Variants in CCDC7 observed in about 807,000 individuals in gnomAD.
CCDC7 encodes the protein coiled-coil domain-containing protein 7.
CCDC7 carries 183 observed loss-of-function variants against 196.9 expected under a neutral mutation model. The observed-to-expected ratio is 0.93, with a 90% CI of 0.82 to 1.05. The LOEUF is 1.05. Among genes scored for constraint, CCDC7 ranks in the 50% least tolerant of loss-of-function variants. CCDC7 has a pLI of 0.00. For missense variants in CCDC7, 1,540 were observed against 1,482.2 expected (o/e 1.04, Z -0.64); for synonymous variants, 525 against 484.6 (o/e 1.08, Z -1.10).
intron 11 of CCDC7, among the ~76,000 whole-genome samples, chr10:32,539,262 C>T (rs1564588686): frequency 6.6e-6 from 1 of 151,876 alleles, no homozygotes; most frequent in Admixed American, 6.6e-5. Flanking sequence ...AGGAATTTAT[C>T]CATTTCTAGT....
At chr10:32,635,849 T>C (rs2065545139) in intron 20 of CCDC7, among the ~76,000 whole-genome samples, 2 of 152,194 alleles carry the variant, frequency 1.3e-5, no homozygotes, top group Admixed American at 1.3e-4. Context: ...GTCTTTTAAT[T>C]AGCTCTCCTA....
At position 32,800,941 on chromosome 10, in the gene CCDC7, C is replaced by G. The variant is rs143068235; in HGVS notation, c.3014-4074C>G. Among the ~76,000 whole-genome samples the G allele has an allele frequency of 5.9e-3, 904 of 152,300 alleles. 9 individuals are homozygous for G. Among genetic ancestry groups the G allele is most frequent in the African/African-American group, 0.021 (862 of 41,556 alleles). On this transcript the variant is annotated intron_variant, in intron 29 of 41. Transcript: ENST00000639629. ...AACACCGTGATTAATTAGCCAATGC[C>G]AGAGCTCTACATGAGTCAGACTATT...
intron 24 of CCDC7, among the ~76,000 whole-genome samples, chr10:32,699,699 A>C (rs1216916346): frequency 5.4e-5 from 8 of 149,316 alleles, no homozygotes; most frequent in Non-Finnish European, 1.2e-4. Flanking sequence ...ATTTCTATAC[A>C]TCCTCTCCAG....
chr10:32,635,052 T>G lies in CCDC7; in HGVS notation c.1913-5T>G, dbSNP rs1374384801. The G allele has an allele frequency of 2.5e-6, 1 of 398,720 alleles. No homozygotes were observed. Among genetic ancestry groups the G allele is most frequent in the African/African-American group, 2.1e-5 (1 of 48,738 alleles). The allele number at this position is 398,720 out of a possible 1,614,324, so 24.7% of individuals were successfully genotyped here. A position where few individuals can be genotyped will look rare whatever the true frequency, so the allele number is the denominator to read the frequency against. ...GTTTTATCATAGATCTGTTTTTCTG[T>G]TCAGAGACTCTTACAACCCCACAAT... On this transcript the variant is annotated splice_region_variant and splice_polypyrimidine_tract_variant and intron_variant, in intron 19 of 41. Coordinates refer to ENST00000639629, the Ensembl canonical transcript of CCDC7.
chr10:32,827,517 T>A (rs1465299974), intron 32 of CCDC7, among the ~76,000 whole-genome samples: 1 of 152,132 alleles, frequency 6.6e-6, no homozygotes, highest in Non-Finnish European at 1.5e-5. Flanking sequence ...TGGCATTGTC[T>A]CTGACCAAGG....
exon 34 of CCDC7, chr10:32,845,318 G>C: frequency 6.4e-7 from 1 of 1,563,376 alleles, no homozygotes; most frequent in South Asian, 1.2e-5. Context: ...CAACTAAAGG[G>C]TCACCAAAGT....
rs577336783 is a variant in CCDC7 at position 32,758,321 on chromosome 10, C to T, written c.2906-20656C>T. On this transcript the variant is annotated intron_variant, in intron 28 of 41. Coordinates refer to ENST00000639629, the Ensembl canonical transcript of CCDC7. Reference sequence around the variant, plus strand: ...AAAAAAGAGAATTTTAGACCAATATCCCTGATGAGCATTGATGCAAAAATC... The same window carrying T: ...AAAAAAGAGAATTTTAGACCAATATTCCTGATGAGCATTGATGCAAAAATC... Among the ~76,000 whole-genome samples, 5 of 152,284 alleles carry T rather than the reference C, an allele frequency of 3.3e-5. No individual in the cohort carries two copies. The South Asian group carries it at 6.2e-4, about 19-fold the overall frequency.
At chr10:32,683,789 C>T (rs1292891362) in intron 21 of CCDC7, among the ~76,000 whole-genome samples, 4 of 152,108 alleles carry the variant, frequency 2.6e-5, no homozygotes, top group South Asian at 2.1e-4. Context: ...CTGCCACAGA[C>T]GGAAGTGATC....
chr10:32,875,672 T>A (rs1422868550), intron 41 of CCDC7, among the ~76,000 whole-genome samples: 2 of 152,050 alleles, frequency 1.3e-5, no homozygotes, highest in African/African-American at 4.8e-5. Flanking sequence ...TTCCCGTTTT[T>A]TCTATGTAAC....
intron 18 of CCDC7, among the ~76,000 whole-genome samples, chr10:32,604,111 G>A (rs201307779): frequency 6.6e-6 from 1 of 152,020 alleles, no homozygotes; most frequent in East Asian, 1.9e-4. Flanking sequence ...AATGTATTTT[G>A]CATTGATTTT....
chr10:32,760,839 C>G (rs1328813522), intron 28 of CCDC7, among the ~76,000 whole-genome samples: 1 of 151,612 alleles, frequency 6.6e-6, no homozygotes, highest in East Asian at 1.9e-4. Flanking sequence ...TATCACCCCA[C>G]CCTGCACACA....
At chr10:32,710,126 A>G (rs1382212853) in intron 24 of CCDC7, among the ~76,000 whole-genome samples, 2 of 152,122 alleles carry the variant, frequency 1.3e-5, no homozygotes, top group Non-Finnish European at 2.9e-5. Context: ...ATGACACTCT[A>G]AAGGAGGGGT....
At chr10:32,462,689 G>C (rs530682765) in exon 4 of CCDC7, 1 of 1,448,650 alleles carries the variant, frequency 6.9e-7, no homozygotes, top group Admixed American at 2.2e-5. Context: ...TCAGATTTTG[G>C]AATCTCTTTT....
chr10:32,705,306 C>A (rs558416100), intron 24 of CCDC7, among the ~76,000 whole-genome samples: 3 of 152,068 alleles, frequency 2.0e-5, no homozygotes, highest in Non-Finnish European at 2.9e-5. Flanking sequence ...CTTACAAAAG[C>A]TCCTGAAGGA....
chr10:32,695,328 C>T lies in CCDC7; in HGVS notation c.2458+336C>T, dbSNP rs137958178. ...CCTTGGGACATGTGGCAGTATCCTT[C>T]TGTCATAGACTCTAATTGGCAAACA... On this transcript the variant is annotated intron_variant, in intron 24 of 41. Transcript: ENST00000639629. Among the ~76,000 whole-genome samples, 167 of 152,328 alleles carry T rather than the reference C, an allele frequency of 1.1e-3. 2 individuals carry two copies. The highest frequency in any genetic ancestry group is 3.1e-3 in the Admixed American group (47 of 15,298).
chr10:32,671,229 T>G (rs1028720442), intron 21 of CCDC7, among the ~76,000 whole-genome samples: 3 of 152,216 alleles, frequency 2.0e-5, no homozygotes, highest in African/African-American at 7.2e-5. Flanking sequence ...ACCTTGATGG[T>G]AAGTATTCTA....
intron 5 of CCDC7, 148 bp downstream of exon 6, chr10:32,463,197 T>G (rs1485817914): frequency 2.1e-6 from 2 of 966,316 alleles, no homozygotes; most frequent in Non-Finnish European, 3.0e-6. Context: ...AGACAAGGAA[T>G]AAGTGGATGG....
chr10:32,620,863 T>C (rs1193184640), intron 18 of CCDC7, among the ~76,000 whole-genome samples: 1 of 152,206 alleles, frequency 6.6e-6, no homozygotes, highest in Non-Finnish European at 1.5e-5. Context: ...GATACTGTAT[T>C]CCTTCACGAT....
chr10:32,646,622 C>T (rs962538839), intron 20 of CCDC7, among the ~76,000 whole-genome samples: 3 of 152,058 alleles, frequency 2.0e-5, no homozygotes, highest in African/African-American at 7.2e-5. Context: ...TGGGGGGTTA[C>T]ATGTGCAGAA....
Sources: gnomAD v4.1 joint callset for allele counts (sites outside exome capture counted in the v4.1 genomes callset) on GRCh38, gnomAD v4.1.1 for gene constraint, MANE v1.5 for transcripts, NCBI Gene and HGNC (gene_info 2026-07-23, HGNC 2026-07-21) for gene names.